ESRRG: variants seen among roughly 807,000 people sequenced by gnomAD.
The protein encoded by ESRRG is estrogen-related receptor gamma.
ESRRG carries 13 observed loss-of-function variants against 44.0 expected under a neutral mutation model. That is an observed-to-expected ratio of 0.30 (90% CI 0.19 to 0.47). The LOEUF (loss-of-function observed/expected upper bound fraction) is 0.47, where lower values mean the gene tolerates loss of function less well. Among genes scored for constraint, ESRRG ranks in the 20% least tolerant of loss-of-function variants. The pLI is 1.00. For missense variants in ESRRG, 395 were observed against 580.6 expected (o/e 0.68, Z 3.29); for synonymous variants, 215 against 214.6 (o/e 1.00, Z -0.02).
At chr1:216,556,616 G>T (rs761436854) in intron 5 of ESRRG, among the ~76,000 whole-genome samples, 6 of 152,068 alleles carry the variant, frequency 3.9e-5, no homozygotes, top group Admixed American at 2.6e-4. Context: ...GTTTTCCTTA[G>T]CATAAAATTC....
intron 2 of ESRRG, among the ~76,000 whole-genome samples, chr1:216,912,615 C>T (rs1483196292): frequency 6.6e-6 from 1 of 152,006 alleles, no homozygotes; most frequent in African/African-American, 2.4e-5. Flanking sequence ...TAATTACATC[C>T]TATTAAATAA....
At chr1:216,633,474 G>C (rs1558931462) in intron 3 of ESRRG, among the ~76,000 whole-genome samples, 1 of 152,210 alleles carries the variant, frequency 6.6e-6, no homozygotes, top group Non-Finnish European at 1.5e-5. Context: ...ATCCGAGCAA[G>C]CATTGTACAT....
At chr1:216,968,871 T>C (rs1275398728) in intron 1 of ESRRG, among the ~76,000 whole-genome samples, 1 of 152,192 alleles carries the variant, frequency 6.6e-6, no homozygotes, top group Non-Finnish European at 1.5e-5. Flanking sequence ...TCTCCATTTA[T>C]TTAGTTATCC....
intron 1 of ESRRG, among the ~76,000 whole-genome samples, chr1:216,946,687 T>TC (rs1274044052): frequency 1.3e-5 from 2 of 151,852 alleles, no homozygotes; most frequent in African/African-American, 2.4e-5. Context: ...CAGACCACCC[T>TC]CCCCCCATAT....
rs1054465902 is a variant in ESRRG, at chr1:216,733,428, G to C, written c.-13-55937C>G. On this transcript the variant is annotated intron_variant, in intron 2 of 7. Transcript: ENST00000359162. ...GTGAGAGCTTTCTAGTACTGCCCACGTTCTGCCCCAACATTGACTTCATTG... is the reference window on the plus strand; with the variant it reads ...GTGAGAGCTTTCTAGTACTGCCCACCTTCTGCCCCAACATTGACTTCATTG... Among the ~76,000 whole-genome samples, 3 of 151,996 alleles carry C rather than the reference G, an allele frequency of 2.0e-5. No homozygotes were observed. The East Asian group carries it at 5.8e-4, about 29-fold the overall frequency.
At chr1:216,983,688 G>A (rs1272890694) in intron 1 of ESRRG, among the ~76,000 whole-genome samples, 1 of 228 alleles carries the variant, frequency 4.4e-3, no homozygotes, top group Non-Finnish European at 0.01. Flanking sequence ...GCATGTGCAT[G>A]TGTGTGTGTG....
At chr1:216,670,869 C>T (rs531914339) in intron 2 of ESRRG, among the ~76,000 whole-genome samples, 1 of 152,210 alleles carries the variant, frequency 6.6e-6, no homozygotes, top group East Asian at 1.9e-4. Context: ...CTGCCTCTCA[C>T]TGACAGAAAA....
chr1:216,656,658 G>A (rs932755537), intron 2 of ESRRG, among the ~76,000 whole-genome samples: 1 of 152,120 alleles, frequency 6.6e-6, no homozygotes, highest in African/African-American at 2.4e-5. Flanking sequence ...ATGTAAATTA[G>A]CATGGCATCT....
intron 1 of ESRRG, among the ~76,000 whole-genome samples, chr1:216,709,728 C>T (rs1575600872): frequency 6.6e-6 from 1 of 151,544 alleles, no homozygotes. Context: ...TGTATACTCT[C>T]TAATGAAATT....
At chr1:216,602,048 G>A (rs2059329523) in intron 3 of ESRRG, among the ~76,000 whole-genome samples, 1 of 152,302 alleles carries the variant, frequency 6.6e-6, no homozygotes, top group South Asian at 2.1e-4. Context: ...GGATAAAAAT[G>A]TATGGAATGT....
intron 3 of ESRRG, among the ~76,000 whole-genome samples, chr1:216,604,510 C>G (rs902274232): frequency 6.6e-6 from 1 of 152,178 alleles, no homozygotes; most frequent in African/African-American, 2.4e-5. Context: ...TTCTTTCTCT[C>G]TCCTAGTGTC....
At chr1:216,975,184 C>A (rs1180114948) in intron 1 of ESRRG, among the ~76,000 whole-genome samples, 1 of 152,118 alleles carries the variant, frequency 6.6e-6, no homozygotes, top group Non-Finnish European at 1.5e-5. Context: ...TAAAAACAAA[C>A]AACAACTGGG....
At chr1:217,106,542 G>T (rs2092599412) in intron 1 of ESRRG, among the ~76,000 whole-genome samples, 1 of 152,242 alleles carries the variant, frequency 6.6e-6, no homozygotes, top group African/African-American at 2.4e-5. Context: ...TTTAGGAACT[G>T]GATATTAAGG....
chr1:216,744,538 G>A lies in ESRRG; in HGVS notation c.-13-67047C>T, dbSNP rs115332468. 5.7e-3 allele frequency among the ~76,000 whole-genome samples: 859 copies of A among 151,524 alleles called. 1 individual carries two copies. Among genetic ancestry groups the A allele is most frequent in the Non-Finnish European group, 0.01 (690 of 67,894 alleles). ...TCTGTACACACTCCTAAAAGCAAAC[G>A]TCCAACGATGCCAAAAACACACAGA... On this transcript the variant is annotated intron_variant, in intron 2 of 7. Transcript: ENST00000359162.
At chr1:217,107,181 T>G (rs1428908794) in intron 1 of ESRRG, among the ~76,000 whole-genome samples, 2 of 152,226 alleles carry the variant, frequency 1.3e-5, no homozygotes, top group African/African-American at 4.8e-5. Flanking sequence ...TTTGCCAATC[T>G]GATATGTTAC....
chr1:217,062,083 C>T (rs536911094), intron 1 of ESRRG, among the ~76,000 whole-genome samples: 11 of 152,244 alleles, frequency 7.2e-5, no homozygotes, highest in African/African-American at 2.4e-4. Flanking sequence ...GTTTAGCAAA[C>T]ATTTTTCAAC....
chr1:216,624,652 C>T (rs369273067), intron 3 of ESRRG, among the ~76,000 whole-genome samples: 6 of 152,150 alleles, frequency 3.9e-5, no homozygotes, highest in Admixed American at 6.6e-5. Flanking sequence ...CATAACCGAA[C>T]CTTCATCTTT....
chr1:217,126,038 C>T (rs2102516976), intron 1 of ESRRG, among the ~76,000 whole-genome samples: 1 of 152,238 alleles, frequency 6.6e-6, no homozygotes, highest in Non-Finnish European at 1.5e-5. Context: ...AATGCACTCT[C>T]AGAAAAGCTG....
chr1:216,653,038 A>T (rs1049300957), intron 2 of ESRRG, among the ~76,000 whole-genome samples: 15 of 152,210 alleles, frequency 9.9e-5, no homozygotes, highest in African/African-American at 3.1e-4. Context: ...GTCAGTATGA[A>T]GTAACACTTT....
Sources: gnomAD v4.1 joint callset for allele counts (sites outside exome capture counted in the v4.1 genomes callset) on GRCh38, gnomAD v4.1.1 for gene constraint, MANE v1.5 for transcripts, NCBI Gene and HGNC (gene_info 2026-07-23, HGNC 2026-07-21) for gene names.